Variants in SIN3A observed in about 807,000 individuals in gnomAD.
SIN3A encodes SIN3 transcription regulator family member A, also known as paired amphipathic helix protein Sin3a.
A neutral mutation model predicts 146.1 loss-of-function variants in SIN3A; 14 were observed. That is an observed-to-expected ratio of 0.10 (90% CI 0.06 to 0.15). The LOEUF is 0.15. SIN3A is among the 10% of genes least tolerant of loss of function. The pLI is 1.00. For missense variants in SIN3A, 1,028 were observed against 1,576.0 expected, an observed-to-expected ratio of 0.65 and a Z score of 5.89; for synonymous variants, 572 against 572.0, an observed-to-expected ratio of 1.00 and a Z score of 0.00.
chr15:75,438,556 G>C (rs1440029631), intron 1 of SIN3A, among the ~76,000 whole-genome samples: 2 of 152,020 alleles, frequency 1.3e-5, no homozygotes, highest in African/African-American at 2.4e-5. Flanking sequence ...GGGCATGGTA[G>C]TGAGCACCTG....
At chr15:75,391,127 T>C (rs1217756050) in intron 15 of SIN3A, among the ~76,000 whole-genome samples, 16 of 152,188 alleles carry the variant, frequency 1.1e-4, no homozygotes, top group Admixed American at 9.8e-4. Flanking sequence ...TTTAGCTCCA[T>C]AGAATAGGTA....
intron 14 of SIN3A, among the ~76,000 whole-genome samples, chr15:75,393,724 T>C (rs1410564480): frequency 2.6e-5 from 4 of 151,912 alleles, no homozygotes; most frequent in Admixed American, 2.6e-4. Flanking sequence ...GGATATGATA[T>C]GAGATCTGTG....
intron 1 of SIN3A, among the ~76,000 whole-genome samples, chr15:75,440,189 C>T (rs1291459016): frequency 1.3e-5 from 2 of 151,566 alleles, no homozygotes; most frequent in African/African-American, 2.4e-5. Context: ...AAAAAAACCC[C>T]ATATCGTTAT....
chr15:75,422,361 G>A (rs1420618874), intron 3 of SIN3A: 7 of 599,796 alleles, frequency 1.2e-5, no homozygotes, highest in African/African-American at 1.1e-4. Context: ...GCCAAAAAAT[G>A]AATTTTAAGG....
intron 14 of SIN3A, 44 bp downstream of exon 14, chr15:75,394,635 AT>A (rs1289260826): frequency 1.3e-6 from 2 of 1,494,956 alleles, no homozygotes; most frequent in Non-Finnish European, 1.8e-6. Context: ...GCTGTGCTAA[AT>A]ATAGACTAGA....
At chr15:75,453,722 G>C (rs2074444705), upstream of SIN3A, 1 of 152,310 alleles carries the variant, frequency 6.6e-6, no homozygotes, top group Admixed American at 6.5e-5. Context: ...GAAGTCAAGG[G>C]GCACGGAAAT....
chr15:75,424,007 A>G (rs980579291), intron 2 of SIN3A, among the ~76,000 whole-genome samples: 3 of 152,008 alleles, frequency 2.0e-5, no homozygotes, highest in Non-Finnish European at 2.9e-5. Context: ...AAAAGAAGAA[A>G]AAAAATTATA....
At chr15:75,453,999 T>A (rs1029144057), upstream of SIN3A, 1 of 152,238 alleles carries the variant, frequency 6.6e-6, no homozygotes, top group Admixed American at 6.5e-5. Flanking sequence ...CTCACACATG[T>A]GCGGAGCGCG....
chr15:75,389,067 C>T (rs903556081), intron 16 of SIN3A, among the ~76,000 whole-genome samples: 1 of 152,058 alleles, frequency 6.6e-6, no homozygotes, highest in Non-Finnish European at 1.5e-5. Context: ...TAGAGGGAAC[C>T]GCAGATGAGT....
rs770238772 is a variant in SIN3A at position 75,394,668 on chromosome 15, C to T, written c.2277+12G>A. The T allele has an allele frequency of 5.0e-6, 8 of 1,590,732 alleles. No individual in the cohort carries two copies. The East Asian group carries it at 6.8e-5, about 13-fold the overall frequency. ...TAGAGTCCTCTCACAGATGCAGAAA[C>T]CCCCCGCTCACCTCATCATAGATAC... On this transcript the variant is annotated intron_variant, in intron 14 of 20. Transcript: ENST00000394947.
chr15:75,400,256 C>A, intron 11 of SIN3A, 100 bp from the exon 12 acceptor site: 2 of 673,850 alleles, frequency 3.0e-6, no homozygotes, highest in East Asian at 2.6e-5. Context: ...GAGAAATAGG[C>A]AACTAATATT....
At position 75,375,690 on chromosome 15, in the gene SIN3A, C is replaced by T; in HGVS notation, c.3566G>A (p.Arg1189Lys). 1 of 1,614,158 alleles carries T rather than the reference C, an allele frequency of 6.2e-7. No individual in the cohort carries two copies. Among genetic ancestry groups the T allele is most frequent in the South Asian group, 1.1e-5 (1 of 91,078 alleles). ...VIKSEDYMYR[R>K]TALLRAHQSH... ...CTGATGAGCCCGGAGCAGGGCGGTC[C>T]TCCGATACATATAGTCCTCTGATTT... Residue 1189 changes from arginine to lysine, a missense_variant, in exon 20 of 21, where the codon AGG becomes AAG. Physicochemically the swap from Arg to Lys is conservative, Grantham distance 26 (BLOSUM62 2). Coordinates refer to ENST00000394947, the MANE Select transcript of SIN3A (RefSeq NM_001145358.2).
intron 1 of SIN3A, among the ~76,000 whole-genome samples, chr15:75,438,449 C>T (rs545691757): frequency 2.1e-4 from 32 of 151,832 alleles, no homozygotes; most frequent in African/African-American, 7.5e-4. Context: ...TTTGGGAGGC[C>T]GTGGTGGGAG....
At chr15:75,455,052 GC>G (rs1595939952), upstream of SIN3A, 1 of 133,664 alleles carries the variant, frequency 7.5e-6, no homozygotes, top group East Asian at 2.5e-4. Context: ...GCCCCCGGCC[GC>G]CCCTCCCGCA....
At chr15:75,397,918 G>A (rs1045423255) in intron 12 of SIN3A, among the ~76,000 whole-genome samples, 2 of 152,126 alleles carry the variant, frequency 1.3e-5, no homozygotes, top group Non-Finnish European at 2.9e-5. Context: ...ACTCCCTATG[G>A]AAGTTAACAT....
chr15:75,376,423 A>G (rs1262936851), intron 19 of SIN3A: 1 of 159,228 alleles, frequency 6.3e-6, no homozygotes. Context: ...AGATGATATA[A>G]ACTAGTGCCA....
intron 2 of SIN3A, among the ~76,000 whole-genome samples, chr15:75,425,065 C>G (rs373364262): frequency 1.3e-4 from 20 of 152,270 alleles, no homozygotes; most frequent in African/African-American, 4.6e-4. Flanking sequence ...ATAATAAAAG[C>G]ACATTACAAA....
intron 13 of SIN3A, 69 bp downstream of exon 13, chr15:75,396,189 C>A: frequency 9.0e-7 from 1 of 1,113,792 alleles, no homozygotes; most frequent in African/African-American, 1.5e-5. Context: ...AAATGAGAGC[C>A]TTATTTAATG....
intron 12 of SIN3A, among the ~76,000 whole-genome samples, chr15:75,397,398 G>A (rs1294442548): frequency 6.6e-6 from 1 of 152,176 alleles, no homozygotes; most frequent in Non-Finnish European, 1.5e-5. Flanking sequence ...GAGTTGTTAT[G>A]AGATGAGTAG....
Sources: allele counts gnomAD v4.1 joint callset (sites outside exome capture counted in the v4.1 genomes callset), GRCh38; gene constraint gnomAD v4.1.1; transcripts MANE v1.5; gene names NCBI Gene and HGNC (gene_info 2026-07-23, HGNC 2026-07-21).